CD82: variants seen among roughly 807,000 people sequenced by gnomAD.
CD82 encodes the protein CD82 antigen.
In CD82, 36 loss-of-function variants were observed where a neutral mutation model predicts 37.4. The observed-to-expected ratio is 0.96, with a 90% CI of 0.74 to 1.27. The LOEUF is 1.27. Ranked by LOEUF, CD82 falls within the 50% of genes most tolerant of loss-of-function variation. CD82 has a pLI of 0.00. For synonymous variants in CD82, 158 were observed against 137.4 expected (o/e 1.15, Z -1.05); for missense variants, 340 against 347.0 (o/e 0.98, Z 0.16).
chr11:44,613,266 T>C (rs1853512619), intron 6 of CD82, among the ~76,000 whole-genome samples: 1 of 152,182 alleles, frequency 6.6e-6, no homozygotes, highest in South Asian at 2.1e-4. Flanking sequence ...GCAAGGTCCA[T>C]GTGAGAGGCT....
intron 6 of CD82, chr11:44,607,991 C>G (rs1216439799): frequency 6.6e-6 from 1 of 152,268 alleles, no homozygotes; most frequent in African/African-American, 2.4e-5. Flanking sequence ...ACCCCCTAGT[C>G]CCAGCCTGCC....
upstream of CD82, chr11:44,564,454 G>A (rs1852697703): frequency 2.2e-6 from 1 of 456,178 alleles, no homozygotes; most frequent in Admixed American, 2.3e-5. Flanking sequence ...TAATGGAAGT[G>A]AAAGAGCTTT....
rs376211104 is a variant in CD82, at chr11:44,581,762, T to C, written c.-102-5713T>C. ...GCAGCCCCTCAGGCCCTCTGGATCA[T>C]GAGCTGTGTATTCTAAGAGGAGAGG... On this transcript the variant is annotated intron_variant, in intron 1 of 9. Coordinates refer to ENST00000227155, the MANE Select transcript of CD82 (RefSeq NM_002231.4). Among the ~76,000 whole-genome samples the C allele has an allele frequency of 1.6e-4, 24 of 152,322 alleles. No individual in the cohort carries two copies. The East Asian group carries it at 3.5e-3, about 22-fold the overall frequency.
At chr11:44,601,432 G>A (rs1368492095) in intron 4 of CD82, among the ~76,000 whole-genome samples, 7 of 152,128 alleles carry the variant, frequency 4.6e-5, no homozygotes, top group East Asian at 1.9e-4. Context: ...TGGGCTACCC[G>A]TGCCCCCCAC....
At chr11:44,574,094 G>A (rs1387005555) in intron 1 of CD82, among the ~76,000 whole-genome samples, 1 of 152,156 alleles carries the variant, frequency 6.6e-6, no homozygotes, top group East Asian at 1.9e-4. Context: ...GCTCTGCTGG[G>A]GGGTCAGCAG....
chr11:44,611,832 T>C (rs762147332), intron 6 of CD82, among the ~76,000 whole-genome samples: 18 of 152,208 alleles, frequency 1.2e-4, no homozygotes, highest in Admixed American at 9.8e-4. Flanking sequence ...AAAGATGTTG[T>C]GGTGTTTCCA....
intron 3 of CD82, among the ~76,000 whole-genome samples, chr11:44,595,503 T>TA (rs34679456): frequency 0.037 from 5,638 of 151,546 alleles, 162 homozygotes; most frequent in Non-Finnish European, 0.061. Context: ...CCTATAGTGT[T>TA]AAAAAAAAAT....
chr11:44,604,950 C>A (rs773657442), intron 4 of CD82, 108 bp from the exon 5 acceptor site: 2 of 1,515,200 alleles, frequency 1.3e-6, no homozygotes, highest in Non-Finnish European at 1.8e-6. Flanking sequence ...ATGCAGCTGA[C>A]CCCAACACCC....
At chr11:44,582,279 T>C (rs1852991407) in intron 1 of CD82, among the ~76,000 whole-genome samples, 1 of 152,230 alleles carries the variant, frequency 6.6e-6, no homozygotes, top group Admixed American at 6.5e-5. Context: ...AGGTCTTTCC[T>C]CTGCCCAACC....
At chr11:44,596,454 T>C (rs998796764) in intron 3 of CD82, among the ~76,000 whole-genome samples, 3 of 152,184 alleles carry the variant, frequency 2.0e-5, no homozygotes, top group Admixed American at 1.3e-4. Flanking sequence ...CTTTCCTTCA[T>C]GCAGTGGGGG....
intron 2 of CD82, among the ~76,000 whole-genome samples, chr11:44,590,018 A>G (rs1258396545): frequency 6.6e-6 from 1 of 151,890 alleles, no homozygotes; most frequent in Non-Finnish European, 1.5e-5. Flanking sequence ...TATTTTTAGT[A>G]GAGACAGGGT....
intron 3 of CD82, among the ~76,000 whole-genome samples, chr11:44,598,060 G>C (rs1853253596): frequency 6.6e-6 from 1 of 152,178 alleles, no homozygotes; most frequent in East Asian, 1.9e-4. Context: ...TCCAGTCCCT[G>C]ATGGATAAAA....
Position 44,619,270 on chromosome 11 carries a change from G to C in CD82, c.*144G>C. On this transcript the variant is annotated 3_prime_UTR_variant, in exon 10 of 10. Coordinates refer to ENST00000227155, the MANE Select transcript of CD82 (RefSeq NM_002231.4). ...TGACTGAAAGTAGGGGGCTTTCTGG[G>C]GCCTAGCGATCTCTCCTGGCCTATC... is the stretch of plus-strand genomic sequence containing the variant. The C allele has an allele frequency of 1.5e-6, 1 of 680,784 alleles. No homozygotes were observed. The highest frequency in any genetic ancestry group is 2.6e-6 in the Non-Finnish European group (1 of 378,816). The allele number at this position is 680,784 out of a possible 1,614,324, so 42.2% of individuals were successfully genotyped here.
chr11:44,607,549 G>A (rs1853415878), intron 6 of CD82, among the ~76,000 whole-genome samples: 1 of 152,210 alleles, frequency 6.6e-6, no homozygotes, highest in Non-Finnish European at 1.5e-5. Context: ...AGGGATCTTG[G>A]GCAGTCCACC....
chr11:44,568,264 T>G (rs1590322302), intron 1 of CD82, among the ~76,000 whole-genome samples: 4 of 150,848 alleles, frequency 2.7e-5, no homozygotes, highest in Non-Finnish European at 3.0e-5. Context: ...CAACTGGGAG[T>G]GAAGGAAGAG....
At chr11:44,565,876 G>A (rs1852727659) in intron 1 of CD82, 140 bp downstream of exon 1, 1 of 152,270 alleles carries the variant, frequency 6.6e-6, no homozygotes, top group South Asian at 2.1e-4. Context: ...GGGTGAAAAG[G>A]AGCTTTAGCC....
chr11:44,609,625 T>G (rs545099545), intron 6 of CD82, among the ~76,000 whole-genome samples: 4 of 152,322 alleles, frequency 2.6e-5, no homozygotes, highest in African/African-American at 7.2e-5. Flanking sequence ...GCACATACCC[T>G]CATGTGTGAG....
chr11:44,569,125 A>G (rs1258393920), intron 1 of CD82, among the ~76,000 whole-genome samples: 1 of 152,204 alleles, frequency 6.6e-6, no homozygotes, highest in African/African-American at 2.4e-5. Flanking sequence ...CTCAGCAGGA[A>G]CTGCCCTACC....
chr11:44,603,871 C>T lies in CD82; in HGVS notation c.137-1187C>T, dbSNP rs1312528057. Among the ~76,000 whole-genome samples the T allele has an allele frequency of 2.6e-5, 4 of 152,216 alleles. No individual in the cohort carries two copies. The South Asian group carries it at 6.2e-4, about 24-fold the overall frequency. On this transcript the variant is annotated intron_variant, in intron 4 of 9. Coordinates refer to ENST00000227155, the MANE Select transcript of CD82 (RefSeq NM_002231.4). ...GTACCTCCTAAGCATCATTTCCTCC[C>T]GGGCTTCTTTCTTGCTCTCACTGGT...
Sources: gnomAD v4.1 joint callset for allele counts (sites outside exome capture counted in the v4.1 genomes callset) on GRCh38, gnomAD v4.1.1 for gene constraint, MANE v1.5 for transcripts, NCBI Gene and HGNC (gene_info 2026-07-23, HGNC 2026-07-21) for gene names.